TMEM178B: variants seen among roughly 807,000 people sequenced by gnomAD.
TMEM178B encodes the protein transmembrane protein 178B.
In TMEM178B, 5 loss-of-function variants were observed where a neutral mutation model predicts 31.0. That is an observed-to-expected ratio of 0.16 (90% CI 0.08 to 0.34). The LOEUF is 0.34. TMEM178B is among the 10% of genes least tolerant of loss of function. TMEM178B has a pLI of 1.00. For missense variants in TMEM178B, 275 were observed against 400.3 expected (o/e 0.69, Z 2.67); for synonymous variants, 164 against 164.0 (o/e 1.00, Z 0.00).
At chr7:141,089,654 T>C (rs2129172111) in intron 1 of TMEM178B, among the ~76,000 whole-genome samples, 1 of 152,274 alleles carries the variant, frequency 6.6e-6, no homozygotes, top group Non-Finnish European at 1.5e-5. Context: ...ATGTGGCACA[T>C]ATACACCATG....
the TMEM178B span, among the ~76,000 whole-genome samples, chr7:141,489,029 A>G: frequency 6.6e-6 from 1 of 152,094 alleles, no homozygotes; most frequent in Non-Finnish European, 1.5e-5. Flanking sequence ...GCAATATCCT[A>G]CCACCTAAAG....
intron 2 of TMEM178B, among the ~76,000 whole-genome samples, chr7:141,305,574 AG>A (rs1437157277): frequency 1.3e-5 from 2 of 151,924 alleles, no homozygotes; most frequent in African/African-American, 4.8e-5. Flanking sequence ...ATTACAGGCG[AG>A]TGCCACCATG....
chr7:141,193,833 CT>C (rs1032477745), intron 1 of TMEM178B, among the ~76,000 whole-genome samples: 5 of 152,230 alleles, frequency 3.3e-5, no homozygotes, highest in African/African-American at 1.2e-4. Flanking sequence ...AGTTCTGGCC[CT>C]CAAAGTACTT....
intron 2 of TMEM178B, among the ~76,000 whole-genome samples, chr7:141,402,346 G>GC (rs1007586914): frequency 5.9e-5 from 9 of 152,192 alleles, no homozygotes; most frequent in African/African-American, 2.2e-4. Context: ...GTGGGTGTAG[G>GC]CCCCCTTTGT....
chr7:141,342,871 G>T (rs1408989324), intron 2 of TMEM178B, among the ~76,000 whole-genome samples: 2 of 152,150 alleles, frequency 1.3e-5, no homozygotes, highest in African/African-American at 4.8e-5. Context: ...TGAAGTTTTT[G>T]TGATGCCTAT....
intron 2 of TMEM178B, among the ~76,000 whole-genome samples, chr7:141,409,540 C>T (rs1484516162): frequency 6.6e-6 from 1 of 152,058 alleles, no homozygotes; most frequent in Non-Finnish European, 1.5e-5. Context: ...TGTAAGTGCT[C>T]CACACATATT....
At chr7:141,242,479 T>A (rs1485775720) in intron 2 of TMEM178B, among the ~76,000 whole-genome samples, 1 of 25,298 alleles carries the variant, frequency 4.0e-5, no homozygotes, top group Non-Finnish European at 5.4e-5. Flanking sequence ...TTTGTGTGAG[T>A]GTGTGTGTGT....
chr7:141,190,660 A>G (rs1381512114), intron 1 of TMEM178B, among the ~76,000 whole-genome samples: 1 of 152,166 alleles, frequency 6.6e-6, no homozygotes, highest in East Asian at 1.9e-4. Flanking sequence ...AGTTGGTCGT[A>G]TGGGCACTTG....
At chr7:141,400,572 C>T (rs1800742654) in intron 2 of TMEM178B, among the ~76,000 whole-genome samples, 1 of 152,196 alleles carries the variant, frequency 6.6e-6, no homozygotes, top group South Asian at 2.1e-4. Flanking sequence ...CACCCATACT[C>T]TTGTTTAAGG....
At chr7:141,310,283 C>T (rs1798885743) in intron 2 of TMEM178B, among the ~76,000 whole-genome samples, 13 of 152,068 alleles carry the variant, frequency 8.5e-5, no homozygotes. Flanking sequence ...TGAATAGACA[C>T]TTCTCAAAAG....
intron 2 of TMEM178B, among the ~76,000 whole-genome samples, chr7:141,347,428 C>G (rs568843680): frequency 2.6e-4 from 39 of 152,136 alleles, no homozygotes; most frequent in Admixed American, 2.6e-3. Context: ...TACAGTCTCT[C>G]GGGTCTCCTG....
intron 3 of TMEM178B, among the ~76,000 whole-genome samples, chr7:141,455,198 T>C (rs1395002891): frequency 6.6e-6 from 1 of 152,202 alleles, no homozygotes; most frequent in Non-Finnish European, 1.5e-5. Context: ...CTCGTGTCCC[T>C]TCAGAAGGAG....
At chr7:141,317,092 A>C (rs1799018857) in intron 2 of TMEM178B, among the ~76,000 whole-genome samples, 1 of 152,158 alleles carries the variant, frequency 6.6e-6, no homozygotes, top group South Asian at 2.1e-4. Context: ...GTAGACATAG[A>C]CCATGTGACT....
downstream of TMEM178B, among the ~76,000 whole-genome samples, chr7:141,481,674 T>G (rs1418396156): frequency 6.6e-6 from 1 of 151,880 alleles, no homozygotes; most frequent in Non-Finnish European, 1.5e-5. Flanking sequence ...TAAGTGCAGG[T>G]GAGGGCAGGT....
chr7:141,502,725 G>T, the TMEM178B span, among the ~76,000 whole-genome samples: 1,723 of 151,262 alleles, frequency 0.011, 40 homozygotes, highest in African/African-American at 0.04. Context: ...AGCTGAGAGC[G>T]TGCCATTGCA....
At chr7:141,081,465 T>A (rs1794684012) in intron 1 of TMEM178B, among the ~76,000 whole-genome samples, 1 of 152,020 alleles carries the variant, frequency 6.6e-6, no homozygotes, top group Admixed American at 6.6e-5. Flanking sequence ...TGAAACCCCG[T>A]CTCTACTAAA....
chr7:141,146,305 C>T (rs145081054), intron 1 of TMEM178B, among the ~76,000 whole-genome samples: 1 of 152,316 alleles, frequency 6.6e-6, no homozygotes, highest in African/African-American at 2.4e-5. Flanking sequence ...TTCCATGCTG[C>T]TTTCCTGGAG....
chr7:141,379,967 T>G (rs920437062), intron 2 of TMEM178B, among the ~76,000 whole-genome samples: 2 of 152,226 alleles, frequency 1.3e-5, no homozygotes, highest in Non-Finnish European at 2.9e-5. Context: ...GAATGTAAAT[T>G]TACAGAATTT....
intron 3 of TMEM178B, among the ~76,000 whole-genome samples, chr7:141,442,723 A>T (rs55746375): frequency 0.02 from 3,099 of 152,264 alleles, 59 homozygotes; most frequent in African/African-American, 0.05. Flanking sequence ...TTTCTTGACC[A>T]CCCAGTTTCA....
Sources: gnomAD v4.1 joint callset for allele counts (sites outside exome capture counted in the v4.1 genomes callset) on GRCh38, gnomAD v4.1.1 for gene constraint, MANE v1.5 for transcripts, NCBI Gene and HGNC (gene_info 2026-07-23, HGNC 2026-07-21) for gene names.